Variants in EXOC2 observed in about 807,000 individuals in gnomAD.
The protein encoded by EXOC2 is exocyst complex component 2.
In EXOC2, 70 loss-of-function variants were observed where a neutral mutation model predicts 131.8. The ratio of observed to expected loss-of-function variants is 0.53; its 90% CI spans 0.44 to 0.65. The LOEUF (loss-of-function observed/expected upper bound fraction) is 0.65, where lower values mean the gene tolerates loss of function less well. Ranked by LOEUF, EXOC2 falls within the 30% of genes least tolerant of loss-of-function variation. EXOC2 has a pLI of 0.00. For missense variants in EXOC2, 923 were observed against 1,108.6 expected (o/e 0.83, Z 2.38); for synonymous variants, 411 against 398.4 (o/e 1.03, Z -0.38).
At chr6:631,012 C>G (rs1357230952) in intron 3 of EXOC2, among the ~76,000 whole-genome samples, 1 of 152,214 alleles carries the variant, frequency 6.6e-6, no homozygotes, top group Non-Finnish European at 1.5e-5. Context: ...AGCTAGGCCT[C>G]CAAGGCCCTG....
intron 1 of EXOC2, among the ~76,000 whole-genome samples, chr6:662,446 T>C (rs1341048402): frequency 6.6e-6 from 1 of 152,178 alleles, no homozygotes; most frequent in East Asian, 1.9e-4. Flanking sequence ...TGAAATTATA[T>C]CAAGCACTCT....
intron 1 of EXOC2, among the ~76,000 whole-genome samples, chr6:648,007 C>T (rs1041765597): frequency 1.3e-5 from 2 of 152,176 alleles, no homozygotes; most frequent in Non-Finnish European, 2.9e-5. Flanking sequence ...TCATTTGCAA[C>T]AATCGTATTT....
intron 1 of EXOC2, among the ~76,000 whole-genome samples, chr6:641,081 A>C (rs1275848658): frequency 1.3e-5 from 2 of 152,216 alleles, no homozygotes; most frequent in Non-Finnish European, 2.9e-5. Context: ...ACCGGTTTAA[A>C]CAAAATTGAA....
At chr6:635,825 G>C (rs1355396167) in intron 2 of EXOC2, among the ~76,000 whole-genome samples, 1 of 152,280 alleles carries the variant, frequency 6.6e-6, no homozygotes, top group African/African-American at 2.4e-5. Flanking sequence ...CACTTTGGGA[G>C]ACCGAGGCAG....
At chr6:682,913 A>C (rs1764478020) in intron 1 of EXOC2, among the ~76,000 whole-genome samples, 1 of 152,188 alleles carries the variant, frequency 6.6e-6, no homozygotes, top group South Asian at 2.1e-4. Flanking sequence ...TGAACACAAA[A>C]AGAAATACAG....
intron 7 of EXOC2, among the ~76,000 whole-genome samples, chr6:602,613 T>C (rs1444552720): frequency 6.6e-6 from 1 of 152,238 alleles, no homozygotes; most frequent in African/African-American, 2.4e-5. Flanking sequence ...CCTCATAGGC[T>C]GTAGGACAAA....
intron 12 of EXOC2, 78 bp from the exon 13 acceptor site, chr6:572,722 C>G (rs1758355037): frequency 1.3e-6 from 2 of 1,517,364 alleles, no homozygotes; most frequent in Non-Finnish European, 1.8e-6. Context: ...GGCGCACCCC[C>G]CTCCACTCCC....
chr6:557,097 T>A (rs1215158615), intron 17 of EXOC2, among the ~76,000 whole-genome samples: 1 of 152,150 alleles, frequency 6.6e-6, no homozygotes, highest in Non-Finnish European at 1.5e-5. Flanking sequence ...GCCCAACCAA[T>A]GGCATTTCAA....
chr6:687,225 G>A (rs1419460503), intron 1 of EXOC2, among the ~76,000 whole-genome samples: 1 of 114,214 alleles, frequency 8.8e-6, no homozygotes, highest in African/African-American at 3.3e-5. Context: ...CACCCAGGCT[G>A]CTGGAGTGCA....
intron 1 of EXOC2, among the ~76,000 whole-genome samples, chr6:658,665 A>ATTTTATATATATATATATATATATATAT (rs1763264940): frequency 8.7e-6 from 1 of 115,546 alleles, no homozygotes; most frequent in African/African-American, 3.3e-5. Context: ...ATATATATAT[A>ATTTTATATATATATATATATATATATAT]TTTTTTTTTT....
Position 537,926 on chromosome 6 carries a change from A to C in EXOC2, c.2239-5316T>G, listed in dbSNP as rs76611201. Among the ~76,000 whole-genome samples, 22 of 152,322 alleles carry C rather than the reference A, an allele frequency of 1.4e-4. No homozygotes were observed. In the East Asian group the frequency reaches 4.2e-3, roughly 29 times the overall value. ...TGGAACGTTGCTGAGAAGGGAGCCT[A>C]CTCAAACAGGGCACAAGGGAAGGTT... On this transcript the variant is annotated intron_variant, in intron 22 of 27. Transcript: ENST00000230449.
intron 2 of EXOC2, among the ~76,000 whole-genome samples, chr6:637,039 T>C (rs904133056): frequency 1.3e-5 from 2 of 152,240 alleles, no homozygotes; most frequent in African/African-American, 4.8e-5. Context: ...CGCCACATCA[T>C]GGAAGGAGGA....
At chr6:539,308 G>A (rs945921543) in intron 22 of EXOC2, among the ~76,000 whole-genome samples, 2 of 152,224 alleles carry the variant, frequency 1.3e-5, no homozygotes, top group Non-Finnish European at 2.9e-5. Flanking sequence ...GAATTCTGGT[G>A]TAATGGACAA....
intron 10 of EXOC2, among the ~76,000 whole-genome samples, chr6:595,579 C>T (rs929157834): frequency 5.3e-5 from 8 of 152,010 alleles, no homozygotes; most frequent in Non-Finnish European, 7.4e-5. Context: ...ACCTTTTAAA[C>T]GATATCCAGT....
At chr6:598,711 T>A in intron 9 of EXOC2, 149 bp downstream of exon 9, 21 of 535,508 alleles carry the variant, frequency 3.9e-5, no homozygotes, top group Non-Finnish European at 5.2e-5. Flanking sequence ...AAAGTCATAC[T>A]GTTATTTCTG....
At chr6:606,454 TA>T in intron 7 of EXOC2, among the ~76,000 whole-genome samples, 1 of 149,380 alleles carries the variant, frequency 6.7e-6, no homozygotes, top group East Asian at 1.9e-4. Context: ...AGAAAAAAAA[TA>T]AAAAATAAAA....
chr6:644,638 G>A (rs570432916), intron 1 of EXOC2, among the ~76,000 whole-genome samples: 26 of 152,124 alleles, frequency 1.7e-4, no homozygotes, highest in African/African-American at 4.8e-4. Flanking sequence ...ACTAATAGCC[G>A]AATTTAGCAA....
chr6:639,752 A>G (rs1762271265), intron 1 of EXOC2, among the ~76,000 whole-genome samples: 1 of 152,190 alleles, frequency 6.6e-6, no homozygotes, highest in African/African-American at 2.4e-5. Flanking sequence ...AAGATGTGGG[A>G]GGCGTACAGG....
intron 1 of EXOC2, among the ~76,000 whole-genome samples, chr6:687,750 C>T (rs1209310881): frequency 2.0e-5 from 3 of 152,198 alleles, no homozygotes; most frequent in Admixed American, 1.3e-4. Context: ...CTTTGGCCTT[C>T]AGGAGAGTGA....
Sources: gnomAD v4.1 joint callset for allele counts (sites outside exome capture counted in the v4.1 genomes callset) on GRCh38, gnomAD v4.1.1 for gene constraint, MANE v1.5 for transcripts, NCBI Gene and HGNC (gene_info 2026-07-23, HGNC 2026-07-21) for gene names.